The following CREM variants were observed in gnomAD, a reference collection of about 807,000 sequenced individuals.
CREM encodes cAMP responsive element modulator, also known as cAMP-responsive element modulator.
CREM carries 13 observed loss-of-function variants against 37.3 expected under a neutral mutation model. The observed-to-expected ratio is 0.35, with a 90% CI of 0.23 to 0.55. The LOEUF (loss-of-function observed/expected upper bound fraction) is 0.55, where lower values mean the gene tolerates loss of function less well. Ranked by LOEUF, CREM falls within the 20% of genes least tolerant of loss-of-function variation. The pLI, the probability that CREM is intolerant of heterozygous loss-of-function variation, is 0.88. For synonymous variants in CREM, 124 were observed against 120.2 expected (o/e 1.03, Z -0.21); for missense variants, 296 against 362.3 (o/e 0.82, Z 1.49).
intron 1 of CREM, among the ~76,000 whole-genome samples, chr10:35,136,141 C>T (rs1385086833): frequency 1.3e-5 from 2 of 152,182 alleles, no homozygotes; most frequent in African/African-American, 4.8e-5. Context: ...CTGGACTTCT[C>T]TGAATACCTT....
At chr10:35,209,531 C>G in intron 7 of CREM, 1 of 163,324 alleles carries the variant, frequency 6.1e-6, no homozygotes, top group Non-Finnish European at 1.3e-5. Context: ...TGCATGCACA[C>G]ACACACATGC....
At chr10:35,128,956 A>G (rs1249722516) in intron 1 of CREM, among the ~76,000 whole-genome samples, 1 of 152,254 alleles carries the variant, frequency 6.6e-6, no homozygotes, top group African/African-American at 2.4e-5. Flanking sequence ...GTTTTGGCCA[A>G]TAAATGCTAA....
intron 1 of CREM, chr10:35,127,659 A>G (rs1314196694): frequency 1.3e-5 from 2 of 152,262 alleles, no homozygotes; most frequent in African/African-American, 4.8e-5. Flanking sequence ...TTTTCCCCCA[A>G]AACCTGGGCC....
intron 1 of CREM, among the ~76,000 whole-genome samples, chr10:35,135,762 ATG>A (rs2090403316): frequency 6.6e-6 from 1 of 151,420 alleles, no homozygotes; most frequent in Admixed American, 6.6e-5. Flanking sequence ...TTAAAAAAAA[ATG>A]AGACAAAGAA....
At chr10:35,137,660 A>G in intron 1 of CREM, 122 bp from the exon 2 acceptor site, 2 of 377,276 alleles carry the variant, frequency 5.3e-6, no homozygotes, top group Non-Finnish European at 9.3e-6. Context: ...TTAGTTTTAT[A>G]GAAATTAGAA....
At chr10:35,185,394 G>A (rs1216927629) in intron 5 of CREM, among the ~76,000 whole-genome samples, 2 of 151,998 alleles carry the variant, frequency 1.3e-5, no homozygotes, top group Admixed American at 6.6e-5. Context: ...GTGAGCCACC[G>A]CGCCCGGCCT....
At chr10:35,136,341 T>A (rs569142795) in intron 1 of CREM, among the ~76,000 whole-genome samples, 1 of 152,380 alleles carries the variant, frequency 6.6e-6, no homozygotes, top group East Asian at 1.9e-4. Context: ...CCTGGAGAGC[T>A]GTCTCCTGCA....
At chr10:35,187,061 A>G (rs1313839445) in intron 5 of CREM, among the ~76,000 whole-genome samples, 3 of 58,986 alleles carry the variant, frequency 5.1e-5, no homozygotes, top group Non-Finnish European at 9.4e-5. Flanking sequence ...ATTAATATAT[A>G]TAATTAATAT....
chr10:35,201,962 C>A (rs1256873524), intron 6 of CREM, among the ~76,000 whole-genome samples: 1 of 152,162 alleles, frequency 6.6e-6, no homozygotes, highest in Non-Finnish European at 1.5e-5. Context: ...CACATTAACT[C>A]ATGAAACACC....
chr10:35,194,110 AAAAAAAAAAAAAAAG>A (rs1239264708), intron 6 of CREM, among the ~76,000 whole-genome samples: 2 of 149,642 alleles, frequency 1.3e-5, no homozygotes, highest in African/African-American at 4.9e-5. Context: ...AAAAAAAAAA[AAAAAAAAAAAAAAAG>A]ACAAAAGGTC....
intron 6 of CREM, among the ~76,000 whole-genome samples, chr10:35,200,303 T>A (rs954977580): frequency 2.0e-5 from 3 of 152,228 alleles, no homozygotes; most frequent in African/African-American, 7.2e-5. Flanking sequence ...TTATATAGAC[T>A]GACTTATAGA....
intron 3 of CREM, among the ~76,000 whole-genome samples, chr10:35,151,577 T>G (rs2092603786): frequency 6.6e-6 from 1 of 152,236 alleles, no homozygotes; most frequent in South Asian, 2.1e-4. Flanking sequence ...TTATGCCATG[T>G]TGGCCAGGCT....
chr10:35,179,042 T>G lies in CREM; in HGVS notation c.266+56T>G. 5 of 1,544,896 alleles carry G rather than the reference T, an allele frequency of 3.2e-6. No individual in the cohort carries two copies. In the South Asian group the frequency reaches 6.0e-5, roughly 18 times the overall value. ...TACTTTTTCCAAAATGGTAGAATAA[T>G]TATACATCAAATCAATTCTTCCTTT... On this transcript the variant is annotated intron_variant, in intron 4 of 7. Coordinates refer to ENST00000685392, the MANE Select transcript of CREM (RefSeq NM_183011.2).
chr10:35,144,018 G>A (rs2091779511), intron 2 of CREM, among the ~76,000 whole-genome samples: 3 of 152,222 alleles, frequency 2.0e-5, no homozygotes, highest in African/African-American at 7.2e-5. Context: ...AGTGATTTGA[G>A]TGTGATTCTG....
chr10:35,185,935 T>C (rs780256430), intron 5 of CREM, among the ~76,000 whole-genome samples: 2 of 152,254 alleles, frequency 1.3e-5, no homozygotes, highest in African/African-American at 4.8e-5. Flanking sequence ...TTTGTTGTTG[T>C]TACTCTTTCC....
intron 5 of CREM, among the ~76,000 whole-genome samples, chr10:35,185,248 A>C (rs2094508794): frequency 6.6e-6 from 1 of 151,918 alleles, no homozygotes; most frequent in Non-Finnish European, 1.5e-5. Flanking sequence ...GATTGCAGGC[A>C]TGCACCACCA....
chr10:35,190,185 G>A lies in CREM; in HGVS notation c.598+1797G>A, dbSNP rs997042582. Among the ~76,000 whole-genome samples the A allele has an allele frequency of 4.1e-4, 63 of 152,302 alleles. 3 individuals are homozygous for A. The highest frequency in any genetic ancestry group is 3.9e-3 in the Admixed American group (59 of 15,296). ...TTTTAATGTTTTACACAATATGCAC[G>A]TAAGTTTGTGCCTTGGGGTTTTTAA... On this transcript the variant is annotated intron_variant, in intron 6 of 7. Transcript: ENST00000685392.
rs775183675 is a variant in CREM, at chr10:35,137,789, A to G, written c.-47A>G. The G allele has an allele frequency of 6.9e-7, 1 of 1,454,230 alleles. No homozygotes were observed. Among genetic ancestry groups the G allele is most frequent in the Non-Finnish European group, 9.3e-7 (1 of 1,072,814 alleles). 90.1% of individuals were successfully genotyped at this position (1,454,230 alleles called of 1,614,324 possible). A position where few individuals can be genotyped will look rare whatever the true frequency, so the allele number is the denominator to read the frequency against. The stretch of plus-strand genomic sequence containing the variant: ...ATTATAATTTTACTGCAGGATAAAT[A>G]AAGAAAACAGGAAAGGAGGAAAGCA... On this transcript the variant is annotated 5_prime_UTR_variant, in exon 2 of 8. It adds an upstream start codon to the 5' untranslated region. Coordinates refer to ENST00000685392, the MANE Select transcript of CREM (RefSeq NM_183011.2).
chr10:35,138,290 A>G (rs761607565), intron 2 of CREM, among the ~76,000 whole-genome samples: 2 of 152,202 alleles, frequency 1.3e-5, no homozygotes, highest in African/African-American at 2.4e-5. Flanking sequence ...GAATTTTTCA[A>G]GTTTTCTTTT....
Sources: gnomAD v4.1 joint callset for allele counts (sites outside exome capture counted in the v4.1 genomes callset) on GRCh38, gnomAD v4.1.1 for gene constraint, MANE v1.5 for transcripts, NCBI Gene and HGNC (gene_info 2026-07-23, HGNC 2026-07-21) for gene names.